Variants in HCFC1R1 observed in about 807,000 individuals in gnomAD.
HCFC1R1 encodes HCF-1 beta-propeller-interacting protein.
In HCFC1R1, 17 loss-of-function variants were observed where a neutral mutation model predicts 13.3. The ratio of observed to expected loss-of-function variants is 1.28; its 90% CI spans 0.87 to 1.91. The LOEUF (loss-of-function observed/expected upper bound fraction) is 1.91. HCFC1R1 is among the 40% of genes most tolerant of loss of function. HCFC1R1 has a pLI of 0.00. For synonymous variants in HCFC1R1, 87 were observed against 71.1 expected, an observed-to-expected ratio of 1.22 and a Z score of -1.12; for missense variants, 218 against 177.9, an observed-to-expected ratio of 1.23 and a Z score of -1.28.
At chr16:3,024,176 C>G, upstream of HCFC1R1, 1 of 933,246 alleles carries the variant, frequency 1.1e-6, no homozygotes, top group Non-Finnish European at 1.6e-6. Context: ...CTTCGCGGCG[C>G]TCACCTCGGC....
At chr16:3,023,611 GC>G in intron 1 of HCFC1R1, 81 bp from the exon 2 acceptor site, 1 of 1,435,540 alleles carries the variant, frequency 7.0e-7, no homozygotes. Context: ...TGCAGCATCA[GC>G]CAGGAGCCCC....
At position 3,023,319 on chromosome 16, in the gene HCFC1R1, G is replaced by A; in HGVS notation, c.195C>T (p.Ala65=). 8 of 1,600,840 alleles carry A rather than the reference G, an allele frequency of 5.0e-6. No individual in the cohort carries two copies. Among genetic ancestry groups the A allele is most frequent in the Non-Finnish European group, 6.0e-6 (7 of 1,171,202 alleles). Residue 65 remains alanine, a synonymous_variant, in exon 3 of 4, where the codon GCC becomes GCT. Coordinates refer to ENST00000248089, the MANE Select transcript of HCFC1R1 (RefSeq NM_017885.4). ...GCAGGCTGAGTTGAGAGAAGTGGGT[G>A]GCCATGTTCTCCTCAGACAGAAACT... ...RKQFLSEENM[A]THFSQLSLHN... is the part of the protein sequence containing the mutation.
At chr16:3,023,819 C>G in intron 1 of HCFC1R1, 28 bp downstream of exon 1, 2 of 1,508,378 alleles carry the variant, frequency 1.3e-6, no homozygotes, top group South Asian at 1.2e-5. Context: ...GGCCCTTGGT[C>G]AGGCCCACCC....
chr16:3,022,871 C>T lies in HCFC1R1; in HGVS notation c.409G>A (p.Glu137Lys), dbSNP rs748216573. 1 of 1,533,336 alleles carries T rather than the reference C, an allele frequency of 6.5e-7. No individual in the cohort carries two copies. Among genetic ancestry groups the T allele is most frequent in the Non-Finnish European group, 8.7e-7 (1 of 1,152,604 alleles). The allele number at this position is 1,533,336 out of a possible 1,614,324, so 95.0% of individuals were successfully genotyped here. The change falls in exon 4 of 4, where the codon GAG becomes AAG. Residue 137 changes from glutamate to lysine, a missense_variant. Physicochemically the swap from Glu to Lys is moderately conservative, Grantham distance 56. Transcript: ENST00000248089. ...YPATPAGDIMEL is the reference protein window; with the variant it reads ...YPATPAGDIMKL ...GCACTGTCCACCAGCACTCAGAGCT[C>T]CATTATGTCCCCAGCTGGGGTTGCA...
In HCFC1R1 at chr16:3,022,815, T is replaced by C; in HGVS notation, c.*48A>G. ...CCCTTTGCGGGAGTCGCTGGTCTCT[T>C]CTGTTGTGGGGAAGAAGGAAGGTGG... is the stretch of plus-strand genomic sequence containing the variant. On this transcript the variant is annotated 3_prime_UTR_variant, in exon 4 of 4. Transcript: ENST00000248089. 1 of 1,452,398 alleles carries C rather than the reference T, an allele frequency of 6.9e-7. No individual in the cohort carries two copies. The highest frequency in any genetic ancestry group is 9.0e-7 in the Non-Finnish European group (1 of 1,106,782). The allele number at this position is 1,452,398 out of a possible 1,614,324, so 90.0% of individuals were successfully genotyped here.
At chr16:3,023,978 AG>A, upstream of HCFC1R1, 2 of 1,450,506 alleles carry the variant, frequency 1.4e-6, no homozygotes. Context: ...TCTGGGCGAC[AG>A]GGGAGGAGTC....
In HCFC1R1 at chr16:3,023,322, C is replaced by T. The variant is rs755539897; in HGVS notation, c.192G>A (p.Met64Ile). 4 of 1,602,090 alleles carry T rather than the reference C, an allele frequency of 2.5e-6. No homozygotes were observed. In the South Asian group the frequency reaches 4.4e-5, roughly 18 times the overall value. ...GGCTGAGTTGAGAGAAGTGGGTGGC[C>T]ATGTTCTCCTCAGACAGAAACTGCT... is the stretch of plus-strand genomic sequence containing the variant. ...LRKQFLSEEN[M>I]ATHFSQLSLH... Residue 64 changes from methionine to isoleucine, a missense_variant, in exon 3 of 4, where the codon ATG becomes ATA. By Grantham distance (10) the Met-to-Ile change is conservative. Transcript: ENST00000248089.
At position 3,023,885 on chromosome 16, in the gene HCFC1R1, C is replaced by T. The variant is rs1036675945; in HGVS notation, c.57G>A (p.Pro19=). The T allele has an allele frequency of 6.4e-7, 1 of 1,555,746 alleles. No homozygotes were observed. Among genetic ancestry groups the T allele is most frequent in the Non-Finnish European group, 8.7e-7 (1 of 1,155,024 alleles). The change falls in exon 1 of 4, where the codon CCG becomes CCA. Residue 19 remains proline, a synonymous_variant. Coordinates refer to ENST00000248089, the MANE Select transcript of HCFC1R1 (RefSeq NM_017885.4). ...RGPQGGAQRL[P]RAALGVTWGL... is the part of the protein sequence containing the mutation. Reference sequence around the variant, plus strand: ...CCCAAGTCACCCCCAAGGCGGCCCGCGGGAGGCGCTGGGCCCCTCCCTGGG... The same window carrying T: ...CCCAAGTCACCCCCAAGGCGGCCCGTGGGAGGCGCTGGGCCCCTCCCTGGG...
Position 3,022,741 on chromosome 16 carries a change from A to C in HCFC1R1, c.*122T>G. ...GGGCTCAGTGTCCTCTGTTGAGGGA[A>C]GGTCTTGGTGCCCAGATGCCTACTC... On this transcript the variant is annotated 3_prime_UTR_variant, in exon 4 of 4. Transcript: ENST00000248089. 2.3e-6 allele frequency: 2 copies of C among 871,520 alleles called. No individual in the cohort carries two copies. Among genetic ancestry groups the C allele is most frequent in the Non-Finnish European group, 3.3e-6 (2 of 609,764 alleles). The allele number at this position is 871,520 out of a possible 1,614,324, so 54.0% of individuals were successfully genotyped here. A position where few individuals can be genotyped will look rare whatever the true frequency, so the allele number is the denominator to read the frequency against.
chr16:3,023,695 C>T, intron 1 of HCFC1R1, 152 bp downstream of exon 1: 1 of 1,047,244 alleles, frequency 9.5e-7, no homozygotes, highest in Non-Finnish European at 1.4e-6. Context: ...TCGGAAGTCT[C>T]GACCCTCAGC....
chr16:3,023,280 G>A lies in HCFC1R1; in HGVS notation c.234C>T (p.Pro78=), dbSNP rs536784165. The change falls in exon 3 of 4, where the codon CCC becomes CCT. Residue 78 remains proline (P), a synonymous_variant. Coordinates refer to ENST00000248089, the MANE Select transcript of HCFC1R1 (RefSeq NM_017885.4). ...FSQLSLHNDH[P]YCSPPMTFSP... is the part of the protein sequence containing the mutation. Reference sequence around the variant, plus strand: ...AGAAGGTCATGGGGGGGCTGCAGTAGGGGTGGTCATTGTGCAGGCTGAGTT... The same window carrying A: ...AGAAGGTCATGGGGGGGCTGCAGTAAGGGTGGTCATTGTGCAGGCTGAGTT... 1.9e-6 allele frequency: 3 copies of A among 1,585,086 alleles called. No homozygotes were observed. Among genetic ancestry groups the A allele is most frequent in the Admixed American group, 1.7e-5 (1 of 57,912 alleles).
chr16:3,023,278 T>C lies in HCFC1R1; in HGVS notation c.236A>G (p.Tyr79Cys). 6 of 1,582,282 alleles carry C rather than the reference T, an allele frequency of 3.8e-6. No homozygotes were observed. The highest frequency in any genetic ancestry group is 5.2e-6 in the Non-Finnish European group (6 of 1,161,540). Reference sequence around the variant, plus strand: ...GGAGAAGGTCATGGGGGGGCTGCAGTAGGGGTGGTCATTGTGCAGGCTGAG... The same window carrying C: ...GGAGAAGGTCATGGGGGGGCTGCAGCAGGGGTGGTCATTGTGCAGGCTGAG... ...SQLSLHNDHP[Y>C]CSPPMTFSPA... Residue 79 changes from tyrosine (Y) to cysteine (C), a missense_variant, in exon 3 of 4, where the codon TAC becomes TGC. Tyr to Cys is a radical substitution (Grantham distance 194, BLOSUM62 -2). Coordinates refer to ENST00000248089, the MANE Select transcript of HCFC1R1 (RefSeq NM_017885.4).
chr16:3,022,780 G>A lies in HCFC1R1; in HGVS notation c.*83C>T, dbSNP rs1360961928. ...AGATGCCTACTCTGCAGGAGAGGGA[G>A]GAACCTTGTCCCTTTGCGGGAGTCG... On this transcript the variant is annotated 3_prime_UTR_variant, in exon 4 of 4. Transcript: ENST00000248089. 2 of 1,274,474 alleles carry A rather than the reference G, an allele frequency of 1.6e-6. No individual in the cohort carries two copies. Among genetic ancestry groups the A allele is most frequent in the Non-Finnish European group, 1.0e-6 (1 of 967,708 alleles). 78.9% of individuals were successfully genotyped at this position (1,274,474 alleles called of 1,614,324 possible).
At chr16:3,023,712 C>A in intron 1 of HCFC1R1, 135 bp downstream of exon 1, 1 of 1,033,068 alleles carries the variant, frequency 9.7e-7, no homozygotes, top group East Asian at 2.6e-5. Flanking sequence ...CAGCCGCAGC[C>A]CCAGTCCCAT....
chr16:3,023,980 G>C, upstream of HCFC1R1: 1 of 1,445,370 alleles, frequency 6.9e-7, no homozygotes, highest in Admixed American at 2.1e-5. Flanking sequence ...TGGGCGACAG[G>C]GGAGGAGTCT....
chr16:3,024,204 G>C, upstream of HCFC1R1: 1 of 1,255,428 alleles, frequency 8.0e-7, no homozygotes, highest in Non-Finnish European at 1.1e-6. Flanking sequence ...GTTCGGGACG[G>C]TACGCACCAG....
At position 3,023,506 on chromosome 16, in the gene HCFC1R1, G is replaced by T. The variant is rs2072677695; in HGVS notation, c.120C>A (p.Pro40=). ...CCTCCAGGCGCCGCTTGGTGCTCAT[G>T]GGCACAGCTCCTCGGAGAGGGGAGC... ...DASSPLRGAV[P]MSTKRRLEEE... Residue 40 remains proline, a synonymous_variant, in exon 2 of 4, where the codon CCC becomes CCA. Coordinates refer to ENST00000248089, the MANE Select transcript of HCFC1R1 (RefSeq NM_017885.4). The T allele has an allele frequency of 6.2e-7, 1 of 1,608,418 alleles. No homozygotes were observed. The highest frequency in any genetic ancestry group is 8.5e-7 in the Non-Finnish European group (1 of 1,176,832).
At position 3,023,495 on chromosome 16, in the gene HCFC1R1, T is replaced by A; in HGVS notation, c.131A>T (p.Lys44Met). Residue 44 changes from lysine (K) to methionine (M), a missense_variant, in exon 2 of 4, where the codon AAG (lysine) becomes ATG (methionine). Lys to Met is a moderately conservative substitution (Grantham distance 95). Transcript: ENST00000248089. ...TCACTGCTCCTCCTCCAGGCGCCGCTTGGTGCTCATGGGCACAGCTCCTCG... is the reference window on the plus strand; with the variant it reads ...TCACTGCTCCTCCTCCAGGCGCCGCATGGTGCTCATGGGCACAGCTCCTCG... ...PLRGAVPMST[K>M]RRLEEEQEPL... 6.2e-7 allele frequency: 1 copy of A among 1,611,948 alleles called. No homozygotes were observed. Among genetic ancestry groups the A allele is most frequent in the Non-Finnish European group, 8.5e-7 (1 of 1,178,998 alleles).
upstream of HCFC1R1, chr16:3,024,012 G>T: frequency 8.2e-7 from 1 of 1,212,122 alleles, no homozygotes; most frequent in Non-Finnish European, 1.1e-6. Flanking sequence ...GCCAAGAGAG[G>T]ATGGGCGTGG....
Sources: gnomAD v4.1 joint callset for allele counts on GRCh38, gnomAD v4.1.1 for gene constraint, MANE v1.5 for transcripts, NCBI Gene and HGNC (gene_info 2026-07-23, HGNC 2026-07-21) for gene names.